Variants in MAP4K1 observed in about 807,000 individuals in gnomAD.
MAP4K1 encodes the protein mitogen-activated protein kinase kinase kinase kinase 1.
Under a neutral mutation model 122.8 loss-of-function variants are expected in MAP4K1, and 35 were observed. That is an observed-to-expected ratio of 0.29 (90% CI 0.22 to 0.38). MAP4K1 has a LOEUF of 0.38. Ranked by LOEUF, MAP4K1 falls within the 10% of genes least tolerant of loss-of-function variation. The probability of loss-of-function intolerance (pLI) is 1.00; values close to 1 mark genes in which losing one functional copy is unlikely to be tolerated. For synonymous variants in MAP4K1, 412 were observed against 421.3 expected, an observed-to-expected ratio of 0.98 and a Z score of 0.27; for missense variants, 791 against 1,072.6, an observed-to-expected ratio of 0.74 and a Z score of 3.67.
At chr19:38,611,910 T>A (rs545924998) in intron 9 of MAP4K1, among the ~76,000 whole-genome samples, 3 of 151,724 alleles carry the variant, frequency 2.0e-5, no homozygotes, top group African/African-American at 7.3e-5. Context: ...ACCAGCCTGG[T>A]CAACATAGTG....
chr19:38,601,661 A>G, intron 19 of MAP4K1, 136 bp from the exon 20 acceptor site: 1 of 648,264 alleles, frequency 1.5e-6, no homozygotes, highest in East Asian at 3.0e-5. Context: ...ATTTCCCATA[A>G]TCTATCCCTG....
chr19:38,615,313 C>G (rs777373362), intron 4 of MAP4K1, among the ~76,000 whole-genome samples: 5 of 151,466 alleles, frequency 3.3e-5, no homozygotes, highest in African/African-American at 1.2e-4. Context: ...GCTTCTCCTC[C>G]GAGAGAAATG....
chr19:38,614,399 T>C lies in MAP4K1; in HGVS notation c.360A>G (p.Glu120=), dbSNP rs746830176. The change falls in exon 5 of 31, where the codon GAA becomes GAG. Residue 120 remains glutamate (E), a synonymous_variant. Coordinates refer to ENST00000396857, the MANE Select transcript of MAP4K1 (RefSeq NM_001042600.3). The part of the protein sequence containing the change: ...SELQISYVCR[E]VLQGLAYLHS... ...CCAGGCCTCTCCTTACCTGGAGCAC[T>C]TCCCGGCAGACATAGCTAATCTGGA... 1.9e-6 allele frequency: 3 copies of C among 1,613,258 alleles called. No individual in the cohort carries two copies. Among genetic ancestry groups the C allele is most frequent in the South Asian group, 2.2e-5 (2 of 91,064 alleles).
At chr19:38,591,817 A>G (rs1974735699) in intron 30 of MAP4K1, among the ~76,000 whole-genome samples, 1 of 151,918 alleles carries the variant, frequency 6.6e-6, no homozygotes, top group Admixed American at 6.6e-5. Flanking sequence ...CTAAAAATAC[A>G]AAAATTAGCC....
intron 27 of MAP4K1, 29 bp from the exon 28 acceptor site, chr19:38,595,758 T>C: frequency 1.3e-6 from 2 of 1,563,524 alleles, no homozygotes; most frequent in Non-Finnish European, 1.7e-6. Context: ...TTTTAAGAAC[T>C]GTGAGCAAGG....
At position 38,605,706 on chromosome 19, in the gene MAP4K1, C is replaced by T. The variant is rs760256139; in HGVS notation, c.1225G>A (p.Glu409Lys). The change falls in exon 18 of 31, where the codon GAG becomes AAG. Residue 409 changes from glutamate (E) to lysine (K), a missense_variant. Glu to Lys is a moderately conservative substitution (Grantham distance 56). This residue lies in a region of MAP4K1 where 303 missense variants were observed against 344.8 expected (regional missense o/e 0.88). Transcript: ENST00000396857. ...TCATCCCCCATGCTCCCAGGACCCT[C>T]GTCTGATGGAGAACGGAACTTGGGC... ...PKPKFRSPSD[E>K]GPGSMGDDGQ... is the part of the protein sequence containing the mutation. 29 of 1,607,220 alleles carry T rather than the reference C, an allele frequency of 1.8e-5. No homozygotes were observed. The highest frequency in any genetic ancestry group is 3.3e-4 in the Middle Eastern group (2 of 6,028).
Position 38,607,852 on chromosome 19 carries a change from G to C in MAP4K1, c.1157+12C>G. The C allele has an allele frequency of 1.2e-6, 2 of 1,610,088 alleles. No homozygotes were observed. The highest frequency in any genetic ancestry group is 1.7e-6 in the Non-Finnish European group (2 of 1,178,462). Reference sequence around the variant, plus strand: ...GTGGGGCCTGTGGAGCTGCAGGCAGGGCCTCACTTACATGTCCACGTCGTC... The same window carrying C: ...GTGGGGCCTGTGGAGCTGCAGGCAGCGCCTCACTTACATGTCCACGTCGTC... On this transcript the variant is annotated intron_variant, in intron 16 of 30. Coordinates refer to ENST00000396857, the MANE Select transcript of MAP4K1 (RefSeq NM_001042600.3).
rs1975701455 is a variant in MAP4K1, at chr19:38,617,904, G to A, written c.-9C>T. The A allele has an allele frequency of 1.2e-6, 2 of 1,612,702 alleles. No homozygotes were observed. Among genetic ancestry groups the A allele is most frequent in the African/African-American group, 1.3e-5 (1 of 74,896 alleles). On this transcript the variant is annotated 5_prime_UTR_variant, in exon 1 of 31. Coordinates refer to ENST00000396857, the MANE Select transcript of MAP4K1 (RefSeq NM_001042600.3). This position sits in a 1 kb window ranked among gnomAD's most constrained non-coding sequence, Gnocchi z 4.1. ...GGGTCCACGACGTCCATCCCTGGGG[G>A]CCTGAGCTGGGCCTGCGCCCAGGGG...
chr19:38,595,585 G>A, intron 28 of MAP4K1, 30 bp from the exon 29 acceptor site: 6 of 1,613,996 alleles, frequency 3.7e-6, no homozygotes, highest in South Asian at 1.1e-5. Flanking sequence ...CGTTACCCTT[G>A]GGGATCACTT....
At position 38,597,455 on chromosome 19, in the gene MAP4K1, C is replaced by T. The variant is rs201745038; in HGVS notation, c.1778+31G>A. On this transcript the variant is annotated intron_variant, in intron 23 of 30. Transcript: ENST00000396857. This position sits in a 1 kb window ranked among gnomAD's most constrained non-coding sequence, Gnocchi z 4.6. ...GAGGGGCATGGGAGGAATTATAAGG[C>T]TGTGTGGTGCCATTCATTGGGAGCT... 150 of 1,612,980 alleles carry T rather than the reference C, an allele frequency of 9.3e-5. No individual in the cohort carries two copies. The Admixed American group carries it at 1.2e-3, about 13-fold the overall frequency.
chr19:38,596,931 C>T, intron 25 of MAP4K1, 103 bp downstream of exon 25: 1 of 1,121,804 alleles, frequency 8.9e-7, no homozygotes, highest in Non-Finnish European at 1.3e-6. Context: ...GGCGGGGCCT[C>T]GACGGAGGTG....
chr19:38,601,785 TTG>T, intron 19 of MAP4K1: 1 of 443,630 alleles, frequency 2.3e-6, no homozygotes, highest in Non-Finnish European at 4.0e-6. Context: ...TCATCAGCAT[TTG>T]TTTTTTTTAA....
At chr19:38,596,984 C>T in intron 25 of MAP4K1, 50 bp downstream of exon 25, 1 of 1,541,448 alleles carries the variant, frequency 6.5e-7, no homozygotes, top group South Asian at 1.1e-5. Context: ...GGGTGCAAGG[C>T]CTTAGCCACC....
At chr19:38,606,510 A>C (rs895089515) in intron 16 of MAP4K1, among the ~76,000 whole-genome samples, 1 of 151,980 alleles carries the variant, frequency 6.6e-6, no homozygotes, top group Non-Finnish European at 1.5e-5. Flanking sequence ...ATTAAAAATT[A>C]GCCAGGCGTG....
At position 38,597,433 on chromosome 19, in the gene MAP4K1, G is replaced by A; in HGVS notation, c.1779-49C>T. 6.2e-7 allele frequency: 1 copy of A among 1,612,764 alleles called. No individual in the cohort carries two copies. The highest frequency in any genetic ancestry group is 8.5e-7 in the Non-Finnish European group (1 of 1,178,828). On this transcript the variant is annotated intron_variant, in intron 23 of 30. Transcript: ENST00000396857. This position sits in a 1 kb window ranked among gnomAD's most constrained non-coding sequence, Gnocchi z 4.6. ...GGGGGTAGGACAGCAGGAGGCAGAG[G>A]GGCATGGGAGGAATTATAAGGCTGT...
rs1213226679 is a variant in MAP4K1, at chr19:38,617,115, G to A, written c.248+239C>T. ...ACAAAAATTTGCCGGGCAGGGTGGT[G>A]AGCGCCTGTAATCCCAGCTACTCGG... On this transcript the variant is annotated intron_variant, in intron 3 of 30. Transcript: ENST00000396857. The surrounding 1 kb of genome is among the most constrained non-coding windows in gnomAD (Gnocchi z 4.1). Among the ~76,000 whole-genome samples, 1 of 151,994 alleles carries A rather than the reference G, an allele frequency of 6.6e-6. No homozygotes were observed. The highest frequency in any genetic ancestry group is 1.5e-5 in the Non-Finnish European group (1 of 68,010).
chr19:38,596,987 T>TA (rs771010843), intron 25 of MAP4K1, 47 bp downstream of exon 25: 8 of 1,563,826 alleles, frequency 5.1e-6, no homozygotes, highest in East Asian at 2.2e-5. Context: ...TGCAAGGCCT[T>TA]AGCCACCCAC....
At chr19:38,612,569 C>T in intron 9 of MAP4K1, 42 bp downstream of exon 9, 1 of 1,596,570 alleles carries the variant, frequency 6.3e-7, no homozygotes, top group Non-Finnish European at 8.5e-7. Context: ...TGGGCCAGGG[C>T]TAGACAGGAT....
At chr19:38,603,291 CACACAT>C (rs1169102782) in intron 19 of MAP4K1, among the ~76,000 whole-genome samples, 3 of 150,646 alleles carry the variant, frequency 2.0e-5, no homozygotes, top group African/African-American at 7.3e-5. Context: ...CATATACACA[CACACAT>C]ACATGTATAC....
Sources: allele counts gnomAD v4.1 joint callset (sites outside exome capture counted in the v4.1 genomes callset), GRCh38; gene constraint gnomAD v4.1.1; regional missense constraint gnomAD v4.1.1; non-coding constraint Gnocchi (gnomAD v3.1); transcripts MANE v1.5; gene names NCBI Gene and HGNC (gene_info 2026-07-23, HGNC 2026-07-21).